Variants in MAP2 observed in about 807,000 individuals in gnomAD.
MAP2 encodes microtubule associated protein 2.
In MAP2, 14 loss-of-function variants were observed where a neutral mutation model predicts 137.6. The observed-to-expected ratio is 0.10, with a 90% CI of 0.07 to 0.16. The LOEUF (loss-of-function observed/expected upper bound fraction) is 0.16, where lower values mean the gene tolerates loss of function less well. MAP2 is among the 10% of genes least tolerant of loss of function. The pLI is 1.00. For synonymous variants in MAP2, 786 were observed against 782.3 expected (o/e 1.00, Z -0.08); for missense variants, 2,088 against 2,191.5 (o/e 0.95, Z 0.94).
rs542744859 is a variant in MAP2, at chr2:209,700,200, T to C, written c.4523-77T>C. The C allele has an allele frequency of 4.3e-6, 5 of 1,165,604 alleles. No individual in the cohort carries two copies. The South Asian group carries it at 6.2e-5, about 15-fold the overall frequency. 72.2% of individuals were successfully genotyped at this position (1,165,604 alleles called of 1,614,324 possible). ...ATTAGTCTGTTGACACAACAGAATA[T>C]CCTACAGGTATTTAAAACTGCATTT... is the stretch of plus-strand genomic sequence containing the variant. On this transcript the variant is annotated intron_variant, in intron 10 of 15. Coordinates refer to ENST00000682079, the MANE Select transcript of MAP2 (RefSeq NM_001375505.1).
At chr2:209,442,929 G>A (rs146563297) in intron 1 of MAP2, among the ~76,000 whole-genome samples, 56 of 151,122 alleles carry the variant, frequency 3.7e-4, no homozygotes, top group Non-Finnish European at 6.7e-4. Context: ...TTCACCTTTC[G>A]TCTGAAATAT....
chr2:209,618,651 G>T (rs1283237251), intron 3 of MAP2, among the ~76,000 whole-genome samples: 1 of 152,096 alleles, frequency 6.6e-6, no homozygotes, highest in Non-Finnish European at 1.5e-5. Flanking sequence ...GAGAGAATGT[G>T]GAGAAAAGGA....
chr2:209,561,176 ATGTAT>A (rs1259408871), intron 2 of MAP2, among the ~76,000 whole-genome samples: 2 of 152,322 alleles, frequency 1.3e-5, no homozygotes, highest in African/African-American at 2.4e-5. Context: ...GAACAAAGAC[ATGTAT>A]TGTATGATTT....
At chr2:209,652,224 C>A (rs1189646770) in intron 4 of MAP2, among the ~76,000 whole-genome samples, 1 of 152,146 alleles carries the variant, frequency 6.6e-6, no homozygotes, top group East Asian at 1.9e-4. Flanking sequence ...GTATAGAACA[C>A]CTCCTCCACA....
At chr2:209,658,877 A>C (rs1355071138) in intron 5 of MAP2, among the ~76,000 whole-genome samples, 3 of 152,232 alleles carry the variant, frequency 2.0e-5, no homozygotes, top group African/African-American at 7.2e-5. Context: ...GGAAATATAT[A>C]TAAAACTACA....
intron 1 of MAP2, among the ~76,000 whole-genome samples, chr2:209,437,399 A>G (rs1362906244): frequency 6.6e-6 from 1 of 151,712 alleles, no homozygotes; most frequent in African/African-American, 2.4e-5. Context: ...AGAATGCCAC[A>G]TGAGGTTTTC....
At chr2:209,490,622 A>C (rs2058977878) in intron 1 of MAP2, among the ~76,000 whole-genome samples, 1 of 143,550 alleles carries the variant, frequency 7.0e-6, no homozygotes, top group Non-Finnish European at 1.5e-5. Context: ...AAAAAAAAAA[A>C]AAAAAAAAAA....
At chr2:209,703,560 T>G (rs1228597984) in intron 11 of MAP2, among the ~76,000 whole-genome samples, 1 of 152,128 alleles carries the variant, frequency 6.6e-6, no homozygotes, top group African/African-American at 2.4e-5. Flanking sequence ...TAGAGAACTA[T>G]GTATAGAATC....
chr2:209,465,370 A>G (rs954608336), intron 1 of MAP2, among the ~76,000 whole-genome samples: 7 of 152,182 alleles, frequency 4.6e-5, no homozygotes, highest in Admixed American at 3.3e-4. Flanking sequence ...GTAATATAAC[A>G]TTTGCTATAA....
intron 4 of MAP2, among the ~76,000 whole-genome samples, chr2:209,633,217 C>T (rs1259069958): frequency 3.9e-5 from 6 of 152,148 alleles, no homozygotes; most frequent in Non-Finnish European, 1.5e-5. Context: ...TACCCGTGTT[C>T]CCCTTGTCTG....
chr2:209,721,067 A>C (rs558597537), intron 13 of MAP2, among the ~76,000 whole-genome samples: 10 of 152,214 alleles, frequency 6.6e-5, no homozygotes, highest in Non-Finnish European at 1.3e-4. Context: ...TAAGATGCTA[A>C]TTATTTGTAA....
chr2:209,549,302 G>A (rs2068696297), intron 2 of MAP2, among the ~76,000 whole-genome samples: 1 of 152,138 alleles, frequency 6.6e-6, no homozygotes, highest in South Asian at 2.1e-4. Context: ...TTTCACAGAT[G>A]AGAAAACCAA....
At chr2:209,425,410 T>C (rs1173301430) in intron 1 of MAP2, among the ~76,000 whole-genome samples, 1 of 152,184 alleles carries the variant, frequency 6.6e-6, no homozygotes, top group Non-Finnish European at 1.5e-5. Flanking sequence ...AAATAGGTAC[T>C]TAAGAGACTG....
chr2:209,533,324 T>C (rs1310109956), intron 2 of MAP2, among the ~76,000 whole-genome samples: 1 of 152,032 alleles, frequency 6.6e-6, no homozygotes, highest in Non-Finnish European at 1.5e-5. Context: ...TTTGTATTTT[T>C]AGTAAAGATG....
intron 2 of MAP2, among the ~76,000 whole-genome samples, chr2:209,527,242 A>T (rs979127154): frequency 1.3e-5 from 2 of 152,144 alleles, no homozygotes; most frequent in Admixed American, 6.6e-5. Context: ...ATTTTTCTCC[A>T]TAGCATTTCT....
intron 3 of MAP2, among the ~76,000 whole-genome samples, chr2:209,608,972 ATGT>A (rs2085795093): frequency 6.6e-6 from 1 of 152,046 alleles, no homozygotes; most frequent in South Asian, 2.1e-4. Context: ...TTAAAATTGA[ATGT>A]AATATATTCT....
At chr2:209,545,812 A>G (rs2067937105) in intron 2 of MAP2, among the ~76,000 whole-genome samples, 1 of 152,238 alleles carries the variant, frequency 6.6e-6, no homozygotes, top group Non-Finnish European at 1.5e-5. Flanking sequence ...TTAAATTCAC[A>G]TACAACACCA....
At position 209,693,084 on chromosome 2, in the gene MAP2, A is replaced by G. The variant is rs539917418; in HGVS notation, c.914A>G (p.Glu305Gly). ...GTATTTGATGATATCCCAAAATGGG[A>G]AGGGAAACAGTTTGATTCTCCCATG... is the stretch of plus-strand genomic sequence containing the variant. ...KDVFDDIPKW[E>G]GKQFDSPMPS... Residue 305 changes from glutamate to glycine, a missense_variant, in exon 8 of 16, where the codon GAA becomes GGA. Transcript: ENST00000682079. The G allele has an allele frequency of 1.9e-6, 3 of 1,613,418 alleles. No homozygotes were observed. Among genetic ancestry groups the G allele is most frequent in the South Asian group, 2.2e-5 (2 of 90,862 alleles).
intron 1 of MAP2, among the ~76,000 whole-genome samples, chr2:209,436,029 T>TATACAGTATATATTATATAGAAA (rs1163242576): frequency 7.0e-6 from 1 of 142,074 alleles, no homozygotes; most frequent in Non-Finnish European, 1.5e-5. Context: ...ATATAAAATA[T>TATACAGTATATATTATATAGAAA]ATATATATGT....
Sources: allele counts gnomAD v4.1 joint callset (sites outside exome capture counted in the v4.1 genomes callset), GRCh38; gene constraint gnomAD v4.1.1; transcripts MANE v1.5; gene names NCBI Gene and HGNC (gene_info 2026-07-23, HGNC 2026-07-21).